PCDHGA11: variants seen among roughly 807,000 people sequenced by gnomAD.
PCDHGA11 encodes the protein protocadherin gamma-A11.
A neutral mutation model predicts 60.4 loss-of-function variants in PCDHGA11; 39 were observed. That is an observed-to-expected ratio of 0.65 (90% CI 0.50 to 0.84). The LOEUF (loss-of-function observed/expected upper bound fraction) is 0.84, where lower values mean the gene tolerates loss of function less well. Among genes scored for constraint, PCDHGA11 ranks in the 40% least tolerant of loss-of-function variants. The pLI is 0.00. For missense variants in PCDHGA11, 1,165 were observed against 1,197.7 expected (o/e 0.97, Z 0.40); for synonymous variants, 533 against 510.3 (o/e 1.04, Z -0.60).
chr5:141,431,222 C>T lies in PCDHGA11; in HGVS notation c.2433+7562C>T. On this transcript the variant is annotated intron_variant, in intron 1 of 3. Transcript: ENST00000398587. The surrounding 1 kb of genome is among the most constrained non-coding windows in gnomAD (Gnocchi z 4.8). ...AGCCACTGAGATGCGGTTCCCTCTA[C>T]CCCACGCCTGGGATCCGGATATCGG... The T allele has an allele frequency of 6.2e-7, 1 of 1,614,170 alleles. No individual in the cohort carries two copies. Among genetic ancestry groups the T allele is most frequent in the South Asian group, 1.1e-5 (1 of 91,090 alleles).
Position 141,421,889 on chromosome 5 carries a change from C to T in PCDHGA11, c.662C>T (p.Pro221Leu), listed in dbSNP as rs1280668349. 5 of 1,613,574 alleles carry T rather than the reference C, an allele frequency of 3.1e-6. No homozygotes were observed. The highest frequency in any genetic ancestry group is 1.3e-5 in the African/African-American group (1 of 74,898). Reference protein sequence around the residue: ...LLLTALDGGDPIRKGAVPIRV... With the variant: ...LLLTALDGGDLIRKGAVPIRV... ...CTCACAGCTTTAGATGGAGGCGATCCCATCCGAAAGGGCGCAGTTCCCATT... is the reference window on the plus strand; with the variant it reads ...CTCACAGCTTTAGATGGAGGCGATCTCATCCGAAAGGGCGCAGTTCCCATT... The change falls in exon 1 of 4, where the codon CCC (proline) becomes CTC (leucine). Residue 221 changes from proline (P) to leucine (L), a missense_variant. By Grantham distance (98) the Pro-to-Leu change is moderately conservative. Transcript: ENST00000398587.
At chr5:141,427,938 G>A in intron 1 of PCDHGA11, 1 of 1,584,968 alleles carries the variant, frequency 6.3e-7, no homozygotes, top group South Asian at 1.1e-5. Context: ...GTTGGTGGGC[G>A]ACCTCAATGA....
intron 1 of PCDHGA11, among the ~76,000 whole-genome samples, chr5:141,466,534 T>C (rs1343781541): frequency 6.6e-6 from 1 of 152,214 alleles, no homozygotes; most frequent in Non-Finnish European, 1.5e-5. Flanking sequence ...CAAATTGATG[T>C]AGATGGTCTT....
chr5:141,496,663 G>A (rs2099770279), intron 2 of PCDHGA11, among the ~76,000 whole-genome samples: 1 of 152,196 alleles, frequency 6.6e-6, no homozygotes, highest in Admixed American at 6.5e-5. Context: ...GACCCCAGCT[G>A]TTGTCCTTCT....
chr5:141,426,559 C>T (rs1401963895), intron 1 of PCDHGA11: 1 of 353,038 alleles, frequency 2.8e-6, no homozygotes, highest in Non-Finnish European at 5.6e-6. Context: ...CAGAATAGAT[C>T]GAGAGTCACT....
At position 141,473,122 on chromosome 5, in the gene PCDHGA11, T is replaced by C. The variant is rs533113606; in HGVS notation, c.2434-21685T>C. On this transcript the variant is annotated intron_variant, in intron 1 of 3. Coordinates refer to ENST00000398587, the MANE Select transcript of PCDHGA11 (RefSeq NM_018914.3). ...TATTACCACACTTTACTTGGCTCTT[T>C]GGCAAACTATATTATCTCTTCAGAT... Among the ~76,000 whole-genome samples, 3 of 152,362 alleles carry C rather than the reference T, an allele frequency of 2.0e-5. No homozygotes were observed. In the East Asian group the frequency reaches 5.8e-4, roughly 29 times the overall value.
intron 1 of PCDHGA11, among the ~76,000 whole-genome samples, chr5:141,443,376 T>C (rs1365277469): frequency 6.6e-6 from 1 of 151,990 alleles, no homozygotes; most frequent in Admixed American, 6.6e-5. Flanking sequence ...TCTCAGCTAC[T>C]TGGGAGGCTG....
chr5:141,462,512 A>C (rs1169461013), intron 1 of PCDHGA11, among the ~76,000 whole-genome samples: 1 of 152,106 alleles, frequency 6.6e-6, no homozygotes, highest in Non-Finnish European at 1.5e-5. Flanking sequence ...AACTAGATCA[A>C]GTTAGTAAGA....
chr5:141,458,718 C>T (rs569153299), intron 1 of PCDHGA11, among the ~76,000 whole-genome samples: 3 of 151,942 alleles, frequency 2.0e-5, no homozygotes, highest in African/African-American at 4.8e-5. Context: ...TACAGGTATT[C>T]GCCACCACAT....
Position 141,491,739 on chromosome 5 carries a change from C to A in PCDHGA11, c.2434-3068C>A, listed in dbSNP as rs372183034. ...CGCCGCCCCGGGCGACCCCTGGGGG[C>A]GGCACTGGAGAAGCCGCCCGTCCTC... On this transcript the variant is annotated intron_variant, in intron 1 of 3. Transcript: ENST00000398587. The surrounding 1 kb of genome is among the most constrained non-coding windows in gnomAD (Gnocchi z 6.9). 2 of 1,598,886 alleles carry A rather than the reference C, an allele frequency of 1.3e-6. No individual in the cohort carries two copies. The highest frequency in any genetic ancestry group is 1.3e-5 in the African/African-American group (1 of 74,290).
chr5:141,458,848 T>C (rs1044462303), intron 1 of PCDHGA11, among the ~76,000 whole-genome samples: 1 of 152,182 alleles, frequency 6.6e-6, no homozygotes, highest in Non-Finnish European at 1.5e-5. Flanking sequence ...TCCTCCCACC[T>C]CAGCCTTCCA....
intron 1 of PCDHGA11, among the ~76,000 whole-genome samples, chr5:141,483,644 G>A (rs2099584188): frequency 6.8e-6 from 1 of 146,522 alleles, no homozygotes; most frequent in African/African-American, 2.7e-5. Context: ...AGAGGGGTGT[G>A]TGTTTGTGTG....
chr5:141,467,625 T>C (rs1407031447), intron 1 of PCDHGA11, among the ~76,000 whole-genome samples: 1 of 152,202 alleles, frequency 6.6e-6, no homozygotes, highest in African/African-American at 2.4e-5. Flanking sequence ...TGATTTGAGA[T>C]AGCATCTTTA....
At chr5:141,479,620 G>A (rs2099501211) in intron 1 of PCDHGA11, 2 of 152,192 alleles carry the variant, frequency 1.3e-5, no homozygotes, top group African/African-American at 4.8e-5. Context: ...GGGAAACCAT[G>A]TCTCTTTAAC....
At position 141,494,934 on chromosome 5, in the gene PCDHGA11, T is replaced by C. The variant is rs2099757666; in HGVS notation, c.2492+69T>C. On this transcript the variant is annotated intron_variant, in intron 2 of 3. Transcript: ENST00000398587. ...TTCTCAGGGATGACGTGGGAGGAGA[T>C]GGGGGAGGGCCCAGCATTTGCTACA... 5.6e-6 allele frequency: 9 copies of C among 1,612,736 alleles called. No individual in the cohort carries two copies. The South Asian group carries it at 7.7e-5, about 14-fold the overall frequency.
intron 1 of PCDHGA11, among the ~76,000 whole-genome samples, chr5:141,448,086 T>TA (rs558292628): frequency 0.011 from 1,579 of 146,268 alleles, 11 homozygotes; most frequent in Non-Finnish European, 0.016. Context: ...AATGCCATCT[T>TA]AAAAAAAAAA....
Position 141,424,835 on chromosome 5 carries a change from T to C in PCDHGA11, c.2433+1175T>C, listed in dbSNP as rs999861185. Among the ~76,000 whole-genome samples, 20 of 152,310 alleles carry C rather than the reference T, an allele frequency of 1.3e-4. No individual in the cohort carries two copies. The South Asian group carries it at 3.5e-3, about 27-fold the overall frequency. On this transcript the variant is annotated intron_variant, in intron 1 of 3. Coordinates refer to ENST00000398587, the MANE Select transcript of PCDHGA11 (RefSeq NM_018914.3). ...AAGCTTGATAGTTGCCTGACATACA[T>C]GTTATCTGAAGCAATGTCTAGGAAA... is the stretch of plus-strand genomic sequence containing the variant.
intron 2 of PCDHGA11, among the ~76,000 whole-genome samples, chr5:141,499,612 C>T (rs1489412444): frequency 6.6e-6 from 1 of 151,968 alleles, no homozygotes; most frequent in African/African-American, 2.4e-5. Context: ...TACCCTTATC[C>T]TGTCCTTGGA....
Position 141,493,360 on chromosome 5 carries a change from G to T in PCDHGA11, c.2434-1447G>T, listed in dbSNP as rs1364095483. Reference sequence around the variant, plus strand: ...CAGAATGTGTGCTTTTAATTTCTTGGCACTTGGAACTTTAAAAGCTTGAGG... The same window carrying T: ...CAGAATGTGTGCTTTTAATTTCTTGTCACTTGGAACTTTAAAAGCTTGAGG... On this transcript the variant is annotated intron_variant, in intron 1 of 3. Transcript: ENST00000398587. This position sits in a 1 kb window ranked among gnomAD's most constrained non-coding sequence, Gnocchi z 4.3. Among the ~76,000 whole-genome samples the T allele has an allele frequency of 6.6e-6, 1 of 152,144 alleles. No individual in the cohort carries two copies. The highest frequency in any genetic ancestry group is 1.5e-5 in the Non-Finnish European group (1 of 68,022).
Sources: allele counts gnomAD v4.1 joint callset (sites outside exome capture counted in the v4.1 genomes callset), GRCh38; gene constraint gnomAD v4.1.1; non-coding constraint Gnocchi (gnomAD v3.1); transcripts MANE v1.5; gene names NCBI Gene and HGNC (gene_info 2026-07-23, HGNC 2026-07-21).